Variants in PTPRM observed in about 807,000 individuals in gnomAD.
PTPRM encodes the protein protein tyrosine phosphatase receptor type M, also known as receptor-type tyrosine-protein phosphatase mu.
In PTPRM, 47 loss-of-function variants were observed where a neutral mutation model predicts 186.7. The ratio of observed to expected loss-of-function variants is 0.25; its 90% CI spans 0.20 to 0.32. The LOEUF is 0.32. Ranked by LOEUF, PTPRM falls within the 10% of genes least tolerant of loss-of-function variation. The pLI is 1.00. For synonymous variants in PTPRM, 668 were observed against 674.9 expected (o/e 0.99, Z 0.16); for missense variants, 1,494 against 1,865.0 (o/e 0.80, Z 3.66).
intron 3 of PTPRM, among the ~76,000 whole-genome samples, chr18:7,904,592 A>G (rs1011177115): frequency 9.9e-5 from 15 of 152,196 alleles, no homozygotes. Context: ...TAGGTACATC[A>G]TTAATTTGCT....
In PTPRM at chr18:8,020,452, GA is replaced by G. The variant is rs748463135; in HGVS notation, c.1133-49227del. On this transcript the variant is annotated intron_variant, in intron 7 of 32. Transcript: ENST00000580170. Reference sequence around the variant, plus strand: ...TGTGACTGTTTAAAATTTGAGAGGGGAAAAAAAGTCTAAGACTTCTGTAATG... The same window carrying G: ...TGTGACTGTTTAAAATTTGAGAGGGGAAAAAAGTCTAAGACTTCTGTAATG... 3.4e-4 allele frequency among the ~76,000 whole-genome samples: 52 copies of G among 151,978 alleles called. No individual in the cohort carries two copies. In the East Asian group the frequency reaches 6.0e-3, roughly 18 times the overall value.
chr18:7,766,947 CAT>C (rs2042042246), intron 1 of PTPRM, among the ~76,000 whole-genome samples: 2 of 152,036 alleles, frequency 1.3e-5, no homozygotes, highest in African/African-American at 2.4e-5. Flanking sequence ...TGTTCTGTAA[CAT>C]GTTAATTGAA....
At position 8,278,410 on chromosome 18, in the gene PTPRM, C is replaced by T. The variant is rs1030777419; in HGVS notation, c.2755-17958C>T. ...TGTCCTTGTAGATCTGATACACTGCCGTACTTTCCTAAGCTTATGCAAAAC... is the reference window on the plus strand; with the variant it reads ...TGTCCTTGTAGATCTGATACACTGCTGTACTTTCCTAAGCTTATGCAAAAC... On this transcript the variant is annotated intron_variant, in intron 19 of 32. Transcript: ENST00000580170. 7.2e-5 allele frequency among the ~76,000 whole-genome samples: 11 copies of T among 152,234 alleles called. No homozygotes were observed. The South Asian group carries it at 8.3e-4, about 11-fold the overall frequency.
chr18:7,636,340 A>G (rs2038312102), intron 1 of PTPRM, among the ~76,000 whole-genome samples: 1 of 152,182 alleles, frequency 6.6e-6, no homozygotes, highest in Non-Finnish European at 1.5e-5. Flanking sequence ...GGTTCTCCCA[A>G]GGCTCAGTGT....
chr18:8,117,921 T>C (rs1354582597), intron 13 of PTPRM, among the ~76,000 whole-genome samples: 1 of 152,204 alleles, frequency 6.6e-6, no homozygotes, highest in East Asian at 1.9e-4. Context: ...TATAGTTGGA[T>C]TTTTTTATGA....
At chr18:8,061,369 T>C (rs1205853745) in intron 7 of PTPRM, among the ~76,000 whole-genome samples, 1 of 140,590 alleles carries the variant, frequency 7.1e-6, no homozygotes, top group Non-Finnish European at 1.5e-5. Context: ...TGAGATGGGT[T>C]TCCTGAATAC....
chr18:8,325,105 A>C (rs1179025637), intron 22 of PTPRM, among the ~76,000 whole-genome samples: 4 of 152,170 alleles, frequency 2.6e-5, no homozygotes, highest in African/African-American at 4.8e-5. Context: ...GTTACTTAAC[A>C]TCTCTGTGCT....
chr18:8,009,514 C>A (rs1243332360), intron 7 of PTPRM, among the ~76,000 whole-genome samples: 1 of 152,034 alleles, frequency 6.6e-6, no homozygotes, highest in Admixed American at 6.6e-5. Context: ...TCAAGGCCAG[C>A]CTGACCAATG....
intron 22 of PTPRM, among the ~76,000 whole-genome samples, chr18:8,320,655 G>T (rs1473442384): frequency 2.0e-5 from 3 of 152,182 alleles, no homozygotes; most frequent in African/African-American, 2.4e-5. Flanking sequence ...TGGCTGAAAT[G>T]GAGCCACTGT....
rs556742647 is a variant in PTPRM at position 7,677,241 on chromosome 18, C to T, written c.74-96908C>T. Among the ~76,000 whole-genome samples the T allele has an allele frequency of 9.8e-5, 15 of 152,316 alleles. No homozygotes were observed. The South Asian group carries it at 2.9e-3, about 29-fold the overall frequency. ...TTACGAAGTCCTACCAGATTCTTCTCTGAATATGACCACGGGGAATTGTTT... is the reference window on the plus strand; with the variant it reads ...TTACGAAGTCCTACCAGATTCTTCTTTGAATATGACCACGGGGAATTGTTT... On this transcript the variant is annotated intron_variant, in intron 1 of 32. Coordinates refer to ENST00000580170, the MANE Select transcript of PTPRM (RefSeq NM_001105244.2).
At chr18:8,183,307 T>A (rs984105383) in intron 14 of PTPRM, among the ~76,000 whole-genome samples, 3 of 152,248 alleles carry the variant, frequency 2.0e-5, no homozygotes, top group Admixed American at 6.5e-5. Flanking sequence ...CCTAATTTTT[T>A]ATTTTATTTC....
chr18:7,715,118 G>A (rs2040298324), intron 1 of PTPRM, among the ~76,000 whole-genome samples: 1 of 152,100 alleles, frequency 6.6e-6, no homozygotes, highest in South Asian at 2.1e-4. Context: ...ATAAAATAAT[G>A]ACAAACCAAA....
chr18:8,094,739 G>A (rs1423387840), intron 11 of PTPRM, among the ~76,000 whole-genome samples: 1 of 152,024 alleles, frequency 6.6e-6, no homozygotes, highest in East Asian at 1.9e-4. Flanking sequence ...GTCGCACATA[G>A]CCTTTTAGAC....
intron 19 of PTPRM, among the ~76,000 whole-genome samples, chr18:8,272,746 AAAC>A (rs2094787982): frequency 6.6e-6 from 1 of 152,072 alleles, no homozygotes; most frequent in Non-Finnish European, 1.5e-5. Context: ...GTATTCTTAA[AAAC>A]AATGTTGAGC....
chr18:7,877,394 G>A (rs976265088), intron 2 of PTPRM, among the ~76,000 whole-genome samples: 2 of 152,166 alleles, frequency 1.3e-5, no homozygotes, highest in Non-Finnish European at 2.9e-5. Flanking sequence ...GGTAACCTGT[G>A]TAATCGCATG....
At chr18:7,701,228 C>CCT (rs1555654309) in intron 1 of PTPRM, among the ~76,000 whole-genome samples, 18 of 141,904 alleles carry the variant, frequency 1.3e-4, no homozygotes, top group East Asian at 8.5e-4. Context: ...TGCTTGAATT[C>CCT]AGAAGGTGGA....
intron 13 of PTPRM, among the ~76,000 whole-genome samples, chr18:8,130,482 G>A (rs1047785394): frequency 1.3e-5 from 2 of 152,178 alleles, no homozygotes; most frequent in African/African-American, 4.8e-5. Flanking sequence ...TGCAACATTT[G>A]CATGCTTTAT....
chr18:8,306,735 G>T (rs959205431), intron 20 of PTPRM, among the ~76,000 whole-genome samples: 4 of 152,186 alleles, frequency 2.6e-5, no homozygotes, highest in Admixed American at 2.0e-4. Flanking sequence ...CTCCCAGCTG[G>T]TAAGCCTTCA....
intron 17 of PTPRM, among the ~76,000 whole-genome samples, chr18:8,250,169 C>A (rs1439060514): frequency 1.3e-5 from 2 of 152,034 alleles, no homozygotes; most frequent in African/African-American, 4.8e-5. Flanking sequence ...AGATGCCCAG[C>A]CCTAATGTAT....
Sources: allele counts gnomAD v4.1 joint callset (sites outside exome capture counted in the v4.1 genomes callset), GRCh38; gene constraint gnomAD v4.1.1; transcripts MANE v1.5; gene names NCBI Gene and HGNC (gene_info 2026-07-23, HGNC 2026-07-21).